IMMP2L: variants seen among roughly 807,000 people sequenced by gnomAD.
The protein encoded by IMMP2L is mitochondrial inner membrane protease subunit 2.
A neutral mutation model predicts 19.3 loss-of-function variants in IMMP2L; 18 were observed. The ratio of observed to expected loss-of-function variants is 0.93; its 90% confidence interval spans 0.64 to 1.38. IMMP2L has a LOEUF of 1.38. Ranked by LOEUF, IMMP2L falls within the 40% of genes most tolerant of loss-of-function variation. IMMP2L has a pLI of 0.00. For missense variants in IMMP2L, 233 were observed against 218.2 expected (o/e 1.07, Z -0.43); for synonymous variants, 76 against 73.0 (o/e 1.04, Z -0.21).
chr7:111,135,393 A>G (rs1802235926), intron 3 of IMMP2L, among the ~76,000 whole-genome samples: 1 of 152,172 alleles, frequency 6.6e-6, no homozygotes, highest in Non-Finnish European at 1.5e-5. Context: ...AAATATTTTC[A>G]GACAAATCTG....
chr7:111,560,702 A>G (rs1210514018), intron 1 of IMMP2L, among the ~76,000 whole-genome samples: 1 of 152,234 alleles, frequency 6.6e-6, no homozygotes, highest in East Asian at 1.9e-4. Context: ...CAAAACAGCC[A>G]TCTCCAATAC....
chr7:110,979,416 T>A (rs1432501407), intron 3 of IMMP2L, among the ~76,000 whole-genome samples: 3 of 152,172 alleles, frequency 2.0e-5, no homozygotes, highest in Admixed American at 1.3e-4. Context: ...GAATTACAGA[T>A]GATGTTTTGT....
intron 3 of IMMP2L, among the ~76,000 whole-genome samples, chr7:111,203,630 A>G (rs1810393720): frequency 6.7e-6 from 1 of 148,966 alleles, no homozygotes; most frequent in African/African-American, 2.5e-5. Flanking sequence ...AATTAGATTC[A>G]TGATGCTACT....
rs561404119 is a variant in IMMP2L at position 110,858,338 on chromosome 7, T to G, written c.408+28255A>C. Among the ~76,000 whole-genome samples, 209 of 152,214 alleles carry G rather than the reference T, an allele frequency of 1.4e-3. 1 individual carries two copies. The highest frequency in any genetic ancestry group is 3.8e-3 in the African/African-American group (157 of 41,556). On this transcript the variant is annotated intron_variant, in intron 5 of 5. Transcript: ENST00000405709. ...AATAACAAGGTATCCTCCTTGTTCC[T>G]AAAAACTGCAGGGAGATGGTCTCTG...
intron 3 of IMMP2L, among the ~76,000 whole-genome samples, chr7:111,182,590 G>C (rs1466006105): frequency 6.6e-6 from 1 of 151,294 alleles, no homozygotes; most frequent in African/African-American, 2.4e-5. Flanking sequence ...AGAAAAGAGA[G>C]TACAAAGTAC....
intron 3 of IMMP2L, among the ~76,000 whole-genome samples, chr7:111,080,177 G>A (rs1651901354): frequency 6.6e-6 from 1 of 152,164 alleles, no homozygotes; most frequent in Admixed American, 6.5e-5. Flanking sequence ...GGTGTTAATT[G>A]AAATGTAGGA....
intron 3 of IMMP2L, among the ~76,000 whole-genome samples, chr7:111,004,162 T>C (rs1375810620): frequency 6.6e-6 from 1 of 152,106 alleles, no homozygotes; most frequent in African/African-American, 2.4e-5. Context: ...CATAAGCTTC[T>C]ATAAAAGAGA....
intron 5 of IMMP2L, among the ~76,000 whole-genome samples, chr7:110,857,486 GC>G (rs1007073740): frequency 2.0e-5 from 3 of 151,948 alleles, no homozygotes; most frequent in African/African-American, 4.8e-5. Flanking sequence ...AAAAAAGAGA[GC>G]CCAAGCCACT....
chr7:110,973,215 G>A (rs1466872031), intron 3 of IMMP2L, among the ~76,000 whole-genome samples: 3 of 151,984 alleles, frequency 2.0e-5, no homozygotes, highest in Non-Finnish European at 4.4e-5. Flanking sequence ...ATGAGGAAAT[G>A]GCTATGTTAG....
intron 1 of IMMP2L, among the ~76,000 whole-genome samples, chr7:111,539,206 GAAAGAAAGAAAGAAAGAA>G (rs1848250463): frequency 1.7e-3 from 69 of 41,356 alleles, no homozygotes; most frequent in South Asian, 4.9e-3. Flanking sequence ...GAGAAAGAAA[GAAAGAAAGAAAGAAAGAA>G]AGAAAGAAAG....
intron 5 of IMMP2L, among the ~76,000 whole-genome samples, chr7:110,738,896 T>C (rs970685408): frequency 2.0e-5 from 3 of 152,228 alleles, no homozygotes; most frequent in Admixed American, 6.5e-5. Flanking sequence ...TAGAAGGGAT[T>C]GAGGTCCTAT....
intron 5 of IMMP2L, among the ~76,000 whole-genome samples, chr7:110,772,888 CT>C (rs1385045293): frequency 5.9e-5 from 9 of 152,090 alleles, no homozygotes; most frequent in African/African-American, 2.2e-4. Flanking sequence ...ATGACATGCA[CT>C]CAGAACTGTG....
intron 4 of IMMP2L, among the ~76,000 whole-genome samples, chr7:110,961,560 A>G (rs568664734): frequency 6.6e-6 from 1 of 151,694 alleles, no homozygotes; most frequent in African/African-American, 2.4e-5. Context: ...TGTATACCCG[A>G]TAGAAATGAG....
At chr7:111,547,722 A>AT (rs58711480) in intron 1 of IMMP2L, among the ~76,000 whole-genome samples, 2,306 of 138,128 alleles carry the variant, frequency 0.017, 56 homozygotes, top group African/African-American at 0.057. Context: ...CACCAGTCTA[A>AT]TTTTTTTTTT....
At chr7:111,330,237 T>G (rs1825741855) in intron 3 of IMMP2L, among the ~76,000 whole-genome samples, 1 of 150,872 alleles carries the variant, frequency 6.6e-6, no homozygotes, top group Non-Finnish European at 1.5e-5. Flanking sequence ...AAAACAGATT[T>G]GAAAGAAAAT....
intron 3 of IMMP2L, among the ~76,000 whole-genome samples, chr7:111,382,065 T>C (rs537005672): frequency 6.6e-6 from 1 of 151,962 alleles, no homozygotes; most frequent in African/African-American, 2.4e-5. Context: ...AGCTAGAGAA[T>C]ATGGAAATAG....
At chr7:110,958,514 T>C (rs1585444323) in intron 4 of IMMP2L, among the ~76,000 whole-genome samples, 1 of 152,074 alleles carries the variant, frequency 6.6e-6, no homozygotes, top group Admixed American at 6.6e-5. Flanking sequence ...CACAGTTTTA[T>C]TGAAATGTTT....
intron 5 of IMMP2L, among the ~76,000 whole-genome samples, chr7:110,685,045 T>C (rs1360388592): frequency 6.6e-6 from 1 of 152,086 alleles, no homozygotes; most frequent in Non-Finnish European, 1.5e-5. Flanking sequence ...TTAAATAAAT[T>C]TTCATTAAGG....
At chr7:111,341,251 C>A (rs963165287) in intron 3 of IMMP2L, among the ~76,000 whole-genome samples, 1 of 152,012 alleles carries the variant, frequency 6.6e-6, no homozygotes, top group Non-Finnish European at 1.5e-5. Flanking sequence ...ATACATCACA[C>A]AGAAAAGTTC....
Sources: gnomAD v4.1 joint callset for allele counts (sites outside exome capture counted in the v4.1 genomes callset) on GRCh38, gnomAD v4.1.1 for gene constraint, MANE v1.5 for transcripts, NCBI Gene and HGNC (gene_info 2026-07-23, HGNC 2026-07-21) for gene names.